NGEF: variants seen among roughly 807,000 people sequenced by gnomAD.
NGEF encodes ephexin-1.
Under a neutral mutation model 80.9 loss-of-function variants are expected in NGEF, and 31 were observed. The ratio of observed to expected loss-of-function variants is 0.38; its 90% CI spans 0.29 to 0.52. The LOEUF (loss-of-function observed/expected upper bound fraction) is 0.52, where lower values mean the gene tolerates loss of function less well. Among genes scored for constraint, NGEF ranks in the 20% least tolerant of loss-of-function variants. The probability of loss-of-function intolerance (pLI) is 0.84; values close to 1 mark genes in which losing one functional copy is unlikely to be tolerated. For missense variants in NGEF, 709 were observed against 926.2 expected (o/e 0.77, Z 3.04); for synonymous variants, 371 against 370.2 (o/e 1.00, Z -0.03).
intron 3 of NGEF, among the ~76,000 whole-genome samples, chr2:232,945,332 T>C (rs1015683520): frequency 2.0e-5 from 3 of 152,140 alleles, no homozygotes; most frequent in Non-Finnish European, 4.4e-5. Flanking sequence ...TTGTGTTCCC[T>C]AAAAATATAT....
At chr2:232,942,283 A>T (rs1368151569) in intron 3 of NGEF, among the ~76,000 whole-genome samples, 1 of 152,134 alleles carries the variant, frequency 6.6e-6, no homozygotes, top group East Asian at 1.9e-4. Flanking sequence ...GTCCTGTTGG[A>T]CTGGGCAAGG....
intron 3 of NGEF, among the ~76,000 whole-genome samples, chr2:232,963,767 C>T (rs186846949): frequency 1.6e-3 from 244 of 151,932 alleles, no homozygotes; most frequent in African/African-American, 5.6e-3. Flanking sequence ...GAGCCAAGAT[C>T]GTGCCACTGC....
At chr2:232,991,494 A>G (rs922465897) in intron 1 of NGEF, among the ~76,000 whole-genome samples, 4 of 152,140 alleles carry the variant, frequency 2.6e-5, no homozygotes, top group African/African-American at 9.7e-5. Context: ...ACCAATACAC[A>G]ATATCATCAA....
rs148413660 is a variant in NGEF, at chr2:232,881,147, G to A, written c.1941C>T (p.Asp647=). 1.2e-4 allele frequency: 187 copies of A among 1,611,920 alleles called. 1 individual carries two copies. In the African/African-American group the frequency reaches 1.9e-3, roughly 17 times the overall value. Reference sequence around the variant, plus strand: ...CGAGGGGAGGTCCCTGGGCCTCACCGTCGTCAGTCTTGTCCAGGATGTTGA... The same window carrying A: ...CGAGGGGAGGTCCCTGGGCCTCACCATCGTCAGTCTTGTCCAGGATGTTGA... The part of the protein sequence containing the change: ...DILNILDKTD[D]GWIFGERLHD... The change falls in exon 14 of 15, where the codon GAC becomes GAT. Residue 647 remains aspartate, a splice_region_variant and synonymous_variant. Coordinates refer to ENST00000264051, the MANE Select transcript of NGEF (RefSeq NM_019850.3).
At chr2:232,970,109 A>T (rs1694155051) in intron 3 of NGEF, 105 bp downstream of exon 3, 4 of 506,996 alleles carry the variant, frequency 7.9e-6, no homozygotes, top group Non-Finnish European at 6.7e-6. Context: ...AGTTATTATT[A>T]TTTTTTTTAA....
At position 232,927,026 on chromosome 2, in the gene NGEF, T is replaced by C; in HGVS notation, c.526+18A>G. The stretch of plus-strand genomic sequence containing the variant: ...CCGCGTTTCCCAAATAAAACCCGGT[T>C]ACTGCGGAGACACCCACCTATTTGT... On this transcript the variant is annotated intron_variant, in intron 4 of 14. Transcript: ENST00000264051. 2 of 1,613,946 alleles carry C rather than the reference T, an allele frequency of 1.2e-6. No individual in the cohort carries two copies. The highest frequency in any genetic ancestry group is 1.7e-6 in the Non-Finnish European group (2 of 1,179,982).
At chr2:233,000,955 G>A (rs1386879992) in intron 1 of NGEF, among the ~76,000 whole-genome samples, 1 of 152,080 alleles carries the variant, frequency 6.6e-6, no homozygotes, top group Non-Finnish European at 1.5e-5. Context: ...CCGATTTCTC[G>A]AAACGGCGCC....
At chr2:232,887,630 C>G (rs1165481225) in intron 9 of NGEF, among the ~76,000 whole-genome samples, 1 of 152,182 alleles carries the variant, frequency 6.6e-6, no homozygotes, top group Non-Finnish European at 1.5e-5. Flanking sequence ...CAGGCAAAGA[C>G]AAGCCTGGGG....
intron 3 of NGEF, among the ~76,000 whole-genome samples, chr2:232,966,555 A>G (rs1694062758): frequency 6.6e-6 from 1 of 151,976 alleles, no homozygotes; most frequent in African/African-American, 2.4e-5. Context: ...AGCCCTCCTC[A>G]TTTAACTTAA....
rs1692950164 is a variant in NGEF, at chr2:232,921,790, T to A, written c.527-1205A>T. Among the ~76,000 whole-genome samples, 5 of 152,146 alleles carry A rather than the reference T, an allele frequency of 3.3e-5. No homozygotes were observed. In the South Asian group the frequency reaches 1.0e-3, roughly 31 times the overall value. On this transcript the variant is annotated intron_variant, in intron 4 of 14. Transcript: ENST00000264051. ...CCCTGTGCCTGGTCCTGTCTGCATT[T>A]GACAAGCATAGACTGGGAGAAACGG...
In NGEF at chr2:232,892,895, C is replaced by CA; in HGVS notation, c.1142+2dup. On this transcript the variant is annotated splice_region_variant and intron_variant, in intron 7 of 14. Transcript: ENST00000264051. This position sits in a 1 kb window ranked among gnomAD's most constrained non-coding sequence, Gnocchi z 4.0. ...CCCTGAGCCCCTTGCCGGATACACT[C>CA]ACAGCAGCTGCTTATAGGTCCGCTC... 2 of 1,612,342 alleles carry CA rather than the reference C, an allele frequency of 1.2e-6. No homozygotes were observed. Among genetic ancestry groups the CA allele is most frequent in the Non-Finnish European group, 1.7e-6 (2 of 1,179,334 alleles).
chr2:232,945,572 C>G (rs888483034), intron 3 of NGEF, among the ~76,000 whole-genome samples: 3 of 152,080 alleles, frequency 2.0e-5, no homozygotes, highest in Admixed American at 1.3e-4. Context: ...CCAAGGAGTG[C>G]CAAGGGTGCC....
chr2:232,928,139 C>T, intron 3 of NGEF: 3 of 991,884 alleles, frequency 3.0e-6, no homozygotes, highest in Non-Finnish European at 3.6e-6. Flanking sequence ...CCGCCGCCAC[C>T]GCTGCCGAGC....
chr2:232,884,994 A>G (rs1691627958), intron 10 of NGEF: 2 of 347,056 alleles, frequency 5.8e-6, no homozygotes, highest in Non-Finnish European at 1.1e-5. Context: ...AAGGCCACGC[A>G]GCGGGCAGGT....
At chr2:232,968,625 C>T (rs894147906) in intron 3 of NGEF, among the ~76,000 whole-genome samples, 2 of 151,858 alleles carry the variant, frequency 1.3e-5, no homozygotes, top group East Asian at 1.9e-4. Context: ...AGGCTGGTCT[C>T]GAACTCCTGA....
intron 2 of NGEF, among the ~76,000 whole-genome samples, chr2:232,972,788 AC>A (rs1694222441): frequency 1.8e-5 from 2 of 113,024 alleles, no homozygotes; most frequent in Admixed American, 1.2e-4. Context: ...ATGGAGTCTT[AC>A]TCTTTTGCCC....
chr2:232,892,999 G>A lies in NGEF; in HGVS notation c.1041C>T (p.Asp347=), dbSNP rs374489877. 3.1e-5 allele frequency: 50 copies of A among 1,613,342 alleles called. No individual in the cohort carries two copies. The highest frequency in any genetic ancestry group is 4.0e-5 in the African/African-American group (3 of 74,926). ...CATAACGGTACACAATGTCACACAC[G>A]TCAGAGATGACGATGTTCTCCTCCA... ...HRMEENIVIS[D]VCDIVYRYAA... is the part of the protein sequence containing the mutation. Residue 347 remains aspartate (D), a synonymous_variant, in exon 7 of 15, where the codon GAC becomes GAT. Coordinates refer to ENST00000264051, the MANE Select transcript of NGEF (RefSeq NM_019850.3). This position sits in a 1 kb window ranked among gnomAD's most constrained non-coding sequence, Gnocchi z 4.0.
intron 8 of NGEF, among the ~76,000 whole-genome samples, chr2:232,888,578 CGCACACACAT>C (rs1691781877): frequency 2.0e-5 from 3 of 152,094 alleles, no homozygotes; most frequent in Non-Finnish European, 2.9e-5. Flanking sequence ...CACGCATGCA[CGCACACACAT>C]ACACACAGCC....
intron 1 of NGEF, among the ~76,000 whole-genome samples, chr2:232,997,822 C>T (rs1694885109): frequency 6.6e-6 from 1 of 152,188 alleles, no homozygotes; most frequent in South Asian, 2.1e-4. Flanking sequence ...TAGATGGCTG[C>T]ACCTTCCCTG....
Sources: gnomAD v4.1 joint callset for allele counts (sites outside exome capture counted in the v4.1 genomes callset) on GRCh38, gnomAD v4.1.1 for gene constraint, Gnocchi (gnomAD v3.1) non-coding constraint, MANE v1.5 for transcripts, NCBI Gene and HGNC (gene_info 2026-07-23, HGNC 2026-07-21) for gene names.